The following MYO5B variants were observed in gnomAD, a reference collection of about 807,000 sequenced individuals.
MYO5B encodes myosin VB.
Under a neutral mutation model 229.3 loss-of-function variants are expected in MYO5B, and 143 were observed. The ratio of observed to expected loss-of-function variants is 0.62; its 90% CI spans 0.54 to 0.72. MYO5B has a LOEUF of 0.72. Among genes scored for constraint, MYO5B ranks in the 30% least tolerant of loss-of-function variants. The pLI is 0.00. For synonymous variants in MYO5B, 918 were observed against 885.2 expected (o/e 1.04, Z -0.66); for missense variants, 2,321 against 2,331.0 (o/e 1.00, Z 0.09).
chr18:50,180,827 G>A (rs2033063335), intron 1 of MYO5B, among the ~76,000 whole-genome samples: 1 of 152,148 alleles, frequency 6.6e-6, no homozygotes, highest in Admixed American at 6.5e-5. Flanking sequence ...GTTCATCCTT[G>A]CTGTAGCAGA....
At chr18:49,965,744 C>T (rs1568050911) in intron 10 of MYO5B, among the ~76,000 whole-genome samples, 1 of 152,110 alleles carries the variant, frequency 6.6e-6, no homozygotes, top group Non-Finnish European at 1.5e-5. Flanking sequence ...TTTCTGAGAC[C>T]ACAGTCTTAA....
intron 27 of MYO5B, 21 bp downstream of exon 27, chr18:49,872,146 C>T (rs1384385340): frequency 6.2e-7 from 1 of 1,612,684 alleles, no homozygotes; most frequent in African/African-American, 1.3e-5. Flanking sequence ...TTCCAGGAAG[C>T]CTGTCCCCCA....
Position 50,155,471 on chromosome 18 carries a change from G to A in MYO5B, c.27+39296C>T, listed in dbSNP as rs77327284. Among the ~76,000 whole-genome samples the A allele has an allele frequency of 2.7e-3, 408 of 152,148 alleles. 1 individual carries two copies. The highest frequency in any genetic ancestry group is 9.4e-3 in the African/African-American group (389 of 41,518). ...ATTCATTTCACCCTCAGTATTTTGA[G>A]ATAAAAAACAAAAAAATCTTCCTAA... On this transcript the variant is annotated intron_variant, in intron 1 of 39. Transcript: ENST00000285039.
At chr18:50,166,083 C>T (rs1324171386) in intron 1 of MYO5B, among the ~76,000 whole-genome samples, 1 of 152,202 alleles carries the variant, frequency 6.6e-6, no homozygotes, top group Non-Finnish European at 1.5e-5. Flanking sequence ...CCAGAAAAGT[C>T]ATCACCTTAT....
At chr18:49,923,518 A>C (rs1246436606) in intron 17 of MYO5B, among the ~76,000 whole-genome samples, 4 of 152,176 alleles carry the variant, frequency 2.6e-5, no homozygotes, top group African/African-American at 9.7e-5. Flanking sequence ...TTTTGCATGG[A>C]GACAGCAAGA....
intron 8 of MYO5B, among the ~76,000 whole-genome samples, chr18:49,984,200 C>G (rs1206999756): frequency 1.3e-5 from 2 of 152,204 alleles, no homozygotes; most frequent in Non-Finnish European, 2.9e-5. Context: ...GGACAGAGAA[C>G]TTCTTGTTTG....
chr18:49,931,545 G>A (rs940371815), intron 16 of MYO5B, among the ~76,000 whole-genome samples: 1 of 152,196 alleles, frequency 6.6e-6, no homozygotes, highest in Non-Finnish European at 1.5e-5. Context: ...CCCTTAGTGC[G>A]AGGGCCTTAC....
At chr18:49,827,371 C>T (rs1402874472) in intron 39 of MYO5B, among the ~76,000 whole-genome samples, 1 of 152,190 alleles carries the variant, frequency 6.6e-6, no homozygotes, top group African/African-American at 2.4e-5. Context: ...GGGGTTGTGC[C>T]CTTTGATCTG....
intron 1 of MYO5B, among the ~76,000 whole-genome samples, chr18:50,175,173 G>A (rs1221123793): frequency 1.3e-5 from 2 of 152,172 alleles, no homozygotes; most frequent in Non-Finnish European, 2.9e-5. Flanking sequence ...CTGGGCAAGG[G>A]GATTCATGCA....
intron 1 of MYO5B, among the ~76,000 whole-genome samples, chr18:50,115,547 GAC>G (rs56886992): frequency 0.024 from 3,045 of 125,038 alleles, 88 homozygotes; most frequent in African/African-American, 0.068. Flanking sequence ...CACACAGAGA[GAC>G]ACACACACAC....
chr18:50,139,397 AGG>A (rs1342190337), intron 1 of MYO5B, among the ~76,000 whole-genome samples: 1 of 152,266 alleles, frequency 6.6e-6, no homozygotes, highest in African/African-American at 2.4e-5. Context: ...ATGAACGAAC[AGG>A]GTGCTTCCCA....
chr18:49,961,611 T>C (rs2025560182), intron 12 of MYO5B, among the ~76,000 whole-genome samples: 1 of 152,234 alleles, frequency 6.6e-6, no homozygotes, highest in Non-Finnish European at 1.5e-5. Flanking sequence ...AACTGGTATA[T>C]ATTTACCCCT....
At chr18:49,845,903 C>T (rs1038373845) in intron 33 of MYO5B, among the ~76,000 whole-genome samples, 1 of 152,220 alleles carries the variant, frequency 6.6e-6, no homozygotes, top group Non-Finnish European at 1.5e-5. Flanking sequence ...AGACTCCCTC[C>T]TGGCCCTTGC....
chr18:50,030,876 GAAAAAAAAAAAAAAA>G (rs869189090), intron 4 of MYO5B, among the ~76,000 whole-genome samples: 699 of 30,488 alleles, frequency 0.023, 2 homozygotes, highest in African/African-American at 0.048. Context: ...CTCCCTTTCA[GAAAAAAAAAAAAAAA>G]AAAAAAAAAA....
chr18:50,163,770 T>A (rs939825278), intron 1 of MYO5B, among the ~76,000 whole-genome samples: 5 of 152,156 alleles, frequency 3.3e-5, no homozygotes, highest in Admixed American at 6.5e-5. Flanking sequence ...CAGGACCCCA[T>A]GGAGCTGGCC....
chr18:50,000,032 C>T (rs1170126161), intron 5 of MYO5B, among the ~76,000 whole-genome samples: 1 of 152,214 alleles, frequency 6.6e-6, no homozygotes, highest in Admixed American at 6.5e-5. Flanking sequence ...TATCCTGTTA[C>T]TTAGCAGAGA....
At chr18:49,953,957 GTGTGTGTGTA>G (rs561363730) in intron 13 of MYO5B, among the ~76,000 whole-genome samples, 18,692 of 130,390 alleles carry the variant, frequency 0.14, 1,645 homozygotes, top group South Asian at 0.22. Flanking sequence ...ACAGACATGT[GTGTGTGTGTA>G]TGTGTGTGTG....
At chr18:50,105,758 G>C (rs564964692) in intron 1 of MYO5B, among the ~76,000 whole-genome samples, 7 of 151,982 alleles carry the variant, frequency 4.6e-5, no homozygotes, top group Non-Finnish European at 1.0e-4. Context: ...AAAGCACAAG[G>C]CCTTGCATAT....
chr18:49,932,052 G>A (rs762226298), intron 16 of MYO5B, among the ~76,000 whole-genome samples: 11 of 152,194 alleles, frequency 7.2e-5, no homozygotes, highest in Admixed American at 2.0e-4. Flanking sequence ...CCAGCTGGAG[G>A]TCCCTTCTTC....
Sources: allele counts gnomAD v4.1 joint callset (sites outside exome capture counted in the v4.1 genomes callset), GRCh38; gene constraint gnomAD v4.1.1; transcripts MANE v1.5; gene names NCBI Gene and HGNC (gene_info 2026-07-23, HGNC 2026-07-21).